HHIP: variants seen among roughly 807,000 people sequenced by gnomAD.
HHIP encodes the protein hedgehog-interacting protein.
In HHIP, 12 loss-of-function variants were observed where a neutral mutation model predicts 74.0. That is an observed-to-expected ratio of 0.16 (90% CI 0.10 to 0.26). HHIP has a LOEUF of 0.26. HHIP is among the 10% of genes least tolerant of loss of function. The pLI is 1.00. For missense variants in HHIP, 788 were observed against 845.0 expected (o/e 0.93, Z 0.84); for synonymous variants, 309 against 311.6 (o/e 0.99, Z 0.09).
At chr4:144,657,457 A>G (rs1728587260) in intron 2 of HHIP, among the ~76,000 whole-genome samples, 2 of 152,176 alleles carry the variant, frequency 1.3e-5, no homozygotes, top group Non-Finnish European at 2.9e-5. Flanking sequence ...GATATATAAT[A>G]TAAAGTATAA....
intron 6 of HHIP, among the ~76,000 whole-genome samples, chr4:144,707,861 C>T (rs202173684): frequency 2.0e-5 from 3 of 152,130 alleles, no homozygotes; most frequent in Non-Finnish European, 4.4e-5. Flanking sequence ...TGGCTTCAAA[C>T]CCCTGGGCTC....
intron 4 of HHIP, among the ~76,000 whole-genome samples, chr4:144,680,261 A>G (rs1729298812): frequency 6.6e-6 from 1 of 152,116 alleles, no homozygotes; most frequent in Non-Finnish European, 1.5e-5. Flanking sequence ...CTTGTTTTCT[A>G]TTGTCTGCCA....
chr4:144,656,248 T>C (rs1728554693), intron 2 of HHIP, among the ~76,000 whole-genome samples: 1 of 152,140 alleles, frequency 6.6e-6, no homozygotes, highest in African/African-American at 2.4e-5. Context: ...TAAGTAAAAA[T>C]CTTCTGAGTT....
At chr4:144,704,144 C>A (rs1444135494) in intron 4 of HHIP, among the ~76,000 whole-genome samples, 2 of 151,984 alleles carry the variant, frequency 1.3e-5, no homozygotes, top group Non-Finnish European at 2.9e-5. Flanking sequence ...TCAAGAAAAT[C>A]TAGGATATTT....
chr4:144,652,622 C>T lies in HHIP; in HGVS notation c.297C>T (p.Asn99=). The T allele has an allele frequency of 6.2e-7, 1 of 1,605,214 alleles. No homozygotes were observed. Among genetic ancestry groups the T allele is most frequent in the Non-Finnish European group, 8.5e-7 (1 of 1,175,760 alleles). The change falls in exon 2 of 13, where the codon AAC becomes AAT. Residue 99 remains asparagine, a synonymous_variant. Coordinates refer to ENST00000296575, the MANE Select transcript of HHIP (RefSeq NM_022475.3). ...GCTTTCAGATATTTTCTGTTACCAA[C>T]AACACAGAATGTGGGAAGTTACTGG... ...RLENKIFSVT[N]NTECGKLLEE... is the part of the protein sequence containing the mutation.
chr4:144,659,041 C>T, intron 3 of HHIP, 95 bp downstream of exon 3: 2 of 974,334 alleles, frequency 2.1e-6, no homozygotes, highest in Non-Finnish European at 3.0e-6. Flanking sequence ...TGCTTATGTT[C>T]AGCAGCTATA....
intron 2 of HHIP, among the ~76,000 whole-genome samples, chr4:144,658,235 A>T (rs937952470): frequency 7.2e-5 from 11 of 152,188 alleles, no homozygotes; most frequent in Non-Finnish European, 1.3e-4. Flanking sequence ...TTTGTACTTC[A>T]TGGGAGCCTT....
rs1208905219 is a variant in HHIP, at chr4:144,742,935, T to G, written c.*4978T>G. 1.5e-5 allele frequency: 2 copies of G among 132,054 alleles called. No homozygotes were observed. The highest frequency in any genetic ancestry group is 3.2e-5 in the Non-Finnish European group (2 of 63,312). 8.2% of individuals were successfully genotyped at this position (132,054 alleles called of 1,614,324 possible). A position where few individuals can be genotyped will look rare whatever the true frequency, so the allele number is the denominator to read the frequency against. On this transcript the variant is annotated 3_prime_UTR_variant, in exon 13 of 13. Coordinates refer to ENST00000296575, the MANE Select transcript of HHIP (RefSeq NM_022475.3). ...TATCTTATATATATATCTTTATATA[T>G]ATCTTATATATATATCTTATACATA...
At chr4:144,677,049 T>A (rs569004540) in intron 4 of HHIP, among the ~76,000 whole-genome samples, 1 of 152,214 alleles carries the variant, frequency 6.6e-6, no homozygotes, top group African/African-American at 2.4e-5. Flanking sequence ...AGGGACTCTG[T>A]GTCTCTTCTG....
chr4:144,734,871 G>C lies in HHIP; in HGVS notation c.1891G>C (p.Gly631Arg). 1.2e-6 allele frequency: 2 copies of C among 1,610,644 alleles called. No individual in the cohort carries two copies. Among genetic ancestry groups the C allele is most frequent in the Admixed American group, 1.7e-5 (1 of 59,970 alleles). ...GKCCCSPGWE[G>R]DFCRTAKCEP... ...GTGCTGCTGCAGTCCAGGCTGGGAG[G>C]GGGACTTCTGCAGAACTGGTTAGTA... Residue 631 changes from glycine to arginine, a missense_variant, in exon 12 of 13, where the codon GGG becomes CGG. By Grantham distance (125) the Gly-to-Arg change is moderately radical. Transcript: ENST00000296575.
intron 7 of HHIP, among the ~76,000 whole-genome samples, chr4:144,709,910 G>C (rs1398593242): frequency 6.6e-6 from 1 of 152,142 alleles, no homozygotes; most frequent in Admixed American, 6.5e-5. Flanking sequence ...ATTTGTTATA[G>C]TTGATGAACT....
At position 144,659,687 on chromosome 4, in the gene HHIP, G is replaced by A. The variant is rs1728655134; in HGVS notation, c.680G>A (p.Arg227Gln). 2 of 1,567,686 alleles carry A rather than the reference G, an allele frequency of 1.3e-6. No individual in the cohort carries two copies. The highest frequency in any genetic ancestry group is 1.7e-6 in the Non-Finnish European group (2 of 1,161,386). Residue 227 changes from arginine to glutamine, a missense_variant, in exon 4 of 13, where the codon CGG (arginine) becomes CAG (glutamine). Physicochemically the swap from Arg to Gln is conservative, Grantham distance 43. This residue lies in a region of HHIP where 373 missense variants were observed against 366.4 expected (regional missense o/e 1.02). Coordinates refer to ENST00000296575, the MANE Select transcript of HHIP (RefSeq NM_022475.3). ...ATTCAGGAGGTTGTGAGTGGGCTGCGGCAGCCCGTTGGTGCCCTGCATAGT... is the reference window on the plus strand; with the variant it reads ...ATTCAGGAGGTTGTGAGTGGGCTGCAGCAGCCCGTTGGTGCCCTGCATAGT... ...FCIQEVVSGL[R>Q]QPVGALHSGD...
intron 4 of HHIP, among the ~76,000 whole-genome samples, chr4:144,684,204 TC>T (rs1326493864): frequency 7.1e-6 from 1 of 140,532 alleles, no homozygotes. Context: ...AAAACCCGTC[TC>T]TATGAAAAAT....
chr4:144,735,584 GA>G (rs1389506479), intron 12 of HHIP, among the ~76,000 whole-genome samples: 1 of 152,074 alleles, frequency 6.6e-6, no homozygotes, highest in African/African-American at 2.4e-5. Flanking sequence ...TAGAAACCTA[GA>G]GTTTAAAATG....
chr4:144,712,394 C>A (rs1037239313), intron 8 of HHIP, among the ~76,000 whole-genome samples: 1 of 152,144 alleles, frequency 6.6e-6, no homozygotes, highest in South Asian at 2.1e-4. Context: ...TAGGGGAGAG[C>A]AGCTTGTCTT....
chr4:144,671,358 G>C (rs1403223151), intron 4 of HHIP, among the ~76,000 whole-genome samples: 6 of 146,068 alleles, frequency 4.1e-5, no homozygotes, highest in Non-Finnish European at 7.5e-5. Context: ...TTGATTAAAT[G>C]TTAATACATA....
intron 11 of HHIP, among the ~76,000 whole-genome samples, chr4:144,719,297 T>A (rs1730564155): frequency 1.3e-5 from 2 of 152,158 alleles, no homozygotes; most frequent in Non-Finnish European, 2.9e-5. Context: ...AAACCCTCCT[T>A]ATTGTTAAGA....
chr4:144,726,676 A>G (rs1730816225), intron 11 of HHIP, among the ~76,000 whole-genome samples: 1 of 152,202 alleles, frequency 6.6e-6, no homozygotes, highest in African/African-American at 2.4e-5. Flanking sequence ...ACATGAAAGT[A>G]GTTATGTAGC....
intron 4 of HHIP, among the ~76,000 whole-genome samples, chr4:144,704,381 T>A (rs1187741448): frequency 6.6e-6 from 1 of 152,256 alleles, no homozygotes; most frequent in African/African-American, 2.4e-5. Context: ...CATTCACATG[T>A]CTCATTCTGT....
Sources: gnomAD v4.1 joint callset for allele counts (sites outside exome capture counted in the v4.1 genomes callset) on GRCh38, gnomAD v4.1.1 for gene constraint, gnomAD v4.1.1 regional missense constraint, MANE v1.5 for transcripts, NCBI Gene and HGNC (gene_info 2026-07-23, HGNC 2026-07-21) for gene names.